Variants in NSUN6 observed in about 807,000 individuals in gnomAD.
NSUN6 encodes the protein NOP2/Sun RNA methyltransferase 6.
NSUN6 carries 64 observed loss-of-function variants against 58.0 expected under a neutral mutation model. The observed-to-expected ratio is 1.10, with a 90% CI of 0.90 to 1.36. NSUN6 has a LOEUF of 1.36. Among genes scored for constraint, NSUN6 ranks in the 40% most tolerant of loss-of-function variants. NSUN6 has a pLI of 0.00. For missense variants in NSUN6, 701 were observed against 550.1 expected (o/e 1.27, Z -2.74); for synonymous variants, 231 against 193.9 (o/e 1.19, Z -1.59).
rs139136890 is a variant in NSUN6, at chr10:18,556,729, T to C, written c.923-4758A>G. 5.2e-3 allele frequency among the ~76,000 whole-genome samples: 611 copies of C among 118,590 alleles called. 6 individuals are homozygous for C. Among genetic ancestry groups the C allele is most frequent in the African/African-American group, 0.017 (543 of 32,002 alleles). 77.8% of individuals were successfully genotyped at this position (118,590 alleles called of 152,430 possible). On this transcript the variant is annotated intron_variant, in intron 8 of 10. Coordinates refer to ENST00000377304, the MANE Select transcript of NSUN6 (RefSeq NM_182543.5). ...GGAAGGGAATGGAATGGAGAATGGA[T>C]TGGAATGGAATACAGAAGGATTTGG... is the stretch of plus-strand genomic sequence containing the variant.
At chr10:18,577,350 C>G (rs1057388846) in intron 8 of NSUN6, among the ~76,000 whole-genome samples, 1 of 152,128 alleles carries the variant, frequency 6.6e-6, no homozygotes, top group African/African-American at 2.4e-5. Flanking sequence ...GGTAAATGAC[C>G]CTTTTATAGA....
intron 3 of NSUN6, among the ~76,000 whole-genome samples, chr10:18,623,841 C>A (rs2058694096): frequency 6.6e-6 from 1 of 152,152 alleles, no homozygotes. Flanking sequence ...AGCCTCGGCT[C>A]TGCTCACCAG....
At chr10:18,575,050 C>T (rs954074673) in intron 8 of NSUN6, among the ~76,000 whole-genome samples, 6 of 152,028 alleles carry the variant, frequency 3.9e-5, no homozygotes, top group East Asian at 1.9e-4. Context: ...TAAAAATAGG[C>T]GCTAAAGAGA....
intron 8 of NSUN6, among the ~76,000 whole-genome samples, chr10:18,559,934 A>T (rs570593683): frequency 6.6e-6 from 1 of 150,784 alleles, no homozygotes; most frequent in East Asian, 2.0e-4. Context: ...AATGGAATGG[A>T]GAATGGACTG....
chr10:18,642,383 A>G, intron 3 of NSUN6, 93 bp downstream of exon 3: 1 of 673,406 alleles, frequency 1.5e-6, no homozygotes, highest in Non-Finnish European at 2.7e-6. Context: ...CTAACAATGG[A>G]GAAACTTAGT....
chr10:18,556,685 T>C (rs2055050712), intron 8 of NSUN6, among the ~76,000 whole-genome samples: 1 of 129,976 alleles, frequency 7.7e-6, no homozygotes, highest in Non-Finnish European at 1.7e-5. Context: ...GGAATTGAAA[T>C]GCGAATGGAA....
intron 3 of NSUN6, among the ~76,000 whole-genome samples, chr10:18,637,546 G>C (rs778036449): frequency 6.6e-6 from 1 of 152,182 alleles, no homozygotes; most frequent in East Asian, 1.9e-4. Context: ...GAAACAAACT[G>C]GTAAAACTTT....
At chr10:18,651,634 G>A (rs1037289579), upstream of NSUN6, 29 of 986,090 alleles carry the variant, frequency 2.9e-5, no homozygotes, top group Non-Finnish European at 3.5e-5. Context: ...AGTCGCTTCC[G>A]GCTTACGTCA....
intron 3 of NSUN6, among the ~76,000 whole-genome samples, chr10:18,617,185 G>GTTTTTTT (rs35698731): frequency 2.3e-5 from 3 of 127,666 alleles, no homozygotes; most frequent in Non-Finnish European, 3.3e-5. Flanking sequence ...AGCCTTTCTA[G>GTTTTTTT]TTTTTTTTTT....
intron 6 of NSUN6, 109 bp from the exon 7 acceptor site, chr10:18,596,436 C>T (rs950893280): frequency 9.5e-5 from 62 of 651,306 alleles, no homozygotes; most frequent in African/African-American, 1.5e-4. Context: ...AGCATCCTCA[C>T]GTCTGCTAAG....
At position 18,597,794 on chromosome 10, in the gene NSUN6, A is replaced by AT. The variant is rs2057651917; in HGVS notation, c.658-1468_658-1467insA. 4.6e-5 allele frequency among the ~76,000 whole-genome samples: 7 copies of AT among 152,116 alleles called. No individual in the cohort carries two copies. In the South Asian group the frequency reaches 6.2e-4, roughly 14 times the overall value. On this transcript the variant is annotated intron_variant, in intron 6 of 10. Coordinates refer to ENST00000377304, the MANE Select transcript of NSUN6 (RefSeq NM_182543.5). ...AATAAATAAATAAATAAATACATAC[A>AT]AACATACAAAAAAACTGTGAGATGG...
chr10:18,569,394 A>G (rs1226970231), intron 8 of NSUN6, among the ~76,000 whole-genome samples: 2 of 145,310 alleles, frequency 1.4e-5, no homozygotes, highest in Non-Finnish European at 3.0e-5. Context: ...TTTCCATTCC[A>G]TTCTCCCTTC....
intron 8 of NSUN6, among the ~76,000 whole-genome samples, chr10:18,581,912 G>C (rs1589948065): frequency 1.3e-5 from 2 of 151,762 alleles, no homozygotes; most frequent in East Asian, 1.9e-4. Flanking sequence ...TAATAAACTT[G>C]CTTTCACTTT....
intron 3 of NSUN6, among the ~76,000 whole-genome samples, chr10:18,631,503 C>T (rs1464039572): frequency 7.8e-6 from 1 of 127,816 alleles, no homozygotes; most frequent in Non-Finnish European, 1.6e-5. Flanking sequence ...ATCTAGAAAA[C>T]CCCATTGTCT....
chr10:18,652,333 T>C (rs1440134192), upstream of NSUN6: 3 of 983,470 alleles, frequency 3.1e-6, no homozygotes, highest in Non-Finnish European at 3.6e-6. Context: ...AAAATAATTC[T>C]ATCACCTTGA....
At position 18,643,990 on chromosome 10, in the gene NSUN6, T is replaced by C. The variant is rs528430092; in HGVS notation, c.232-1435A>G. ...TATCACCAGCTTCTTTTAATGTTGGTTTCTGCCCAATGCTATTTTAAAACA... is the reference window on the plus strand; with the variant it reads ...TATCACCAGCTTCTTTTAATGTTGGCTTCTGCCCAATGCTATTTTAAAACA... On this transcript the variant is annotated intron_variant, in intron 2 of 10. Coordinates refer to ENST00000377304, the MANE Select transcript of NSUN6 (RefSeq NM_182543.5). Among the ~76,000 whole-genome samples, 10 of 152,330 alleles carry C rather than the reference T, an allele frequency of 6.6e-5. No homozygotes were observed. In the East Asian group the frequency reaches 1.9e-3, roughly 29 times the overall value.
At chr10:18,638,282 A>C (rs1186618642) in intron 3 of NSUN6, among the ~76,000 whole-genome samples, 1 of 152,100 alleles carries the variant, frequency 6.6e-6, no homozygotes, top group Non-Finnish European at 1.5e-5. Context: ...ATCTACTAAA[A>C]ATACAAAAAA....
chr10:18,576,175 C>A (rs928602144), intron 8 of NSUN6, among the ~76,000 whole-genome samples: 3 of 152,110 alleles, frequency 2.0e-5, no homozygotes, highest in Admixed American at 2.0e-4. Flanking sequence ...TTTCTTCTTT[C>A]CTTGCTCTAT....
intron 2 of NSUN6, among the ~76,000 whole-genome samples, chr10:18,645,992 C>T (rs956432538): frequency 8.6e-5 from 13 of 152,010 alleles, no homozygotes; most frequent in African/African-American, 3.1e-4. Flanking sequence ...GTTAGGAGTT[C>T]GAGACCAGCC....
Sources: allele counts gnomAD v4.1 joint callset (sites outside exome capture counted in the v4.1 genomes callset), GRCh38; gene constraint gnomAD v4.1.1; transcripts MANE v1.5; gene names NCBI Gene and HGNC (gene_info 2026-07-23, HGNC 2026-07-21).